TJP2: variants seen among roughly 807,000 people sequenced by gnomAD.
TJP2 encodes tight junction protein 2, also known as Friedreich ataxia region gene X104 (tight junction protein ZO-2).
Under a neutral mutation model 133.1 loss-of-function variants are expected in TJP2, and 91 were observed. The observed-to-expected ratio is 0.68, with a 90% CI of 0.58 to 0.81. The LOEUF is 0.81. Among genes scored for constraint, TJP2 ranks in the 40% least tolerant of loss-of-function variants. TJP2 has a pLI of 0.00. For synonymous variants in TJP2, 592 were observed against 583.4 expected, an observed-to-expected ratio of 1.01 and a Z score of -0.21; for missense variants, 1,541 against 1,565.6, an observed-to-expected ratio of 0.98 and a Z score of 0.26.
Position 69,225,398 on chromosome 9 carries a change from A to T in TJP2, c.1047A>T (p.Ile349=). The change falls in exon 6 of 23, where the codon ATA becomes ATT. Residue 349 remains isoleucine, a synonymous_variant. Transcript: ENST00000377245. ...ATGGCAACCTTCACGAAGGAGACAT[A>T]ATTCTCAAGGTGGGTAGATGGGGGC... ...TKDGNLHEGD[I]ILKINGTVTE... The T allele has an allele frequency of 6.2e-7, 1 of 1,612,464 alleles. No homozygotes were observed. The highest frequency in any genetic ancestry group is 1.1e-5 in the South Asian group (1 of 90,926).
chr9:69,168,662 G>T, intron 2 of TJP2, among the ~76,000 whole-genome samples: 1 of 151,942 alleles, frequency 6.6e-6, no homozygotes, highest in East Asian at 1.9e-4. Context: ...AGGTGTGGTG[G>T]TGGGCGCCTG....
chr9:69,235,878 G>A (rs1396342230), intron 12 of TJP2, 150 bp from the exon 13 acceptor site: 1 of 715,504 alleles, frequency 1.4e-6, no homozygotes, highest in African/African-American at 1.8e-5. Flanking sequence ...ATTTGTCCTT[G>A]TTCCTGTTGG....
chr9:69,177,823 T>G (rs1336033673), intron 1 of TJP2, among the ~76,000 whole-genome samples: 1 of 152,044 alleles, frequency 6.6e-6, no homozygotes, highest in African/African-American at 2.4e-5. Context: ...AGTTTTAATT[T>G]TGGATGGTAC....
chr9:69,154,660 C>T (rs12351391), intron 2 of TJP2, among the ~76,000 whole-genome samples: 3,329 of 150,470 alleles, frequency 0.022, 134 homozygotes, highest in African/African-American at 0.075. Context: ...CATGGTGGTT[C>T]GCACCTATAA....
rs1281075331 is a variant in TJP2 at position 69,251,355 on chromosome 9, G to C, written c.3312G>C (p.Gln1104His). ...LQRMQELQEA[Q>H]NARIEIAQKH... ...GAATGCAGGAGCTCCAGGAAGCACA[G>C]AATGCAAGGGTAATTGTTTTTAAAC... The change falls in exon 21 of 23, where the codon CAG becomes CAC. Residue 1104 changes from glutamine (Q) to histidine (H), a missense_variant. Transcript: ENST00000377245. The C allele has an allele frequency of 6.2e-7, 1 of 1,613,272 alleles. No individual in the cohort carries two copies. The highest frequency in any genetic ancestry group is 8.5e-7 in the Non-Finnish European group (1 of 1,179,930).
At chr9:69,202,047 A>G (rs1309591039) in intron 1 of TJP2, among the ~76,000 whole-genome samples, 2 of 152,170 alleles carry the variant, frequency 1.3e-5, no homozygotes, top group Admixed American at 1.3e-4. Context: ...TGAAGTGTGA[A>G]TATACTACTG....
chr9:69,157,619 C>T (rs1057365068), intron 2 of TJP2, among the ~76,000 whole-genome samples: 1 of 152,060 alleles, frequency 6.6e-6, no homozygotes, highest in African/African-American at 2.4e-5. Context: ...GCACACGCCA[C>T]CATGCCTAGC....
intron 1 of TJP2, chr9:69,205,436 A>G (rs147938758): frequency 2.2e-5 from 24 of 1,096,874 alleles, no homozygotes; most frequent in South Asian, 1.1e-4. Context: ...TAGCAGATCT[A>G]TGTGAAACTG....
intron 1 of TJP2, among the ~76,000 whole-genome samples, chr9:69,190,468 T>C (rs1826133147): frequency 6.6e-6 from 1 of 152,228 alleles, no homozygotes; most frequent in Non-Finnish European, 1.5e-5. Flanking sequence ...TAGTTGACTT[T>C]GAGCTGACCT....
chr9:69,151,693 T>C (rs1564383440), exon 2 of TJP2: 1 of 1,232,100 alleles, frequency 8.1e-7, no homozygotes, highest in Non-Finnish European at 1.0e-6. Context: ...GTGAGTGGGA[T>C]TGGCACCCCG....
chr9:69,251,994 T>C (rs1175349389), intron 21 of TJP2, among the ~76,000 whole-genome samples: 1 of 149,002 alleles, frequency 6.7e-6, no homozygotes, highest in Non-Finnish European at 1.5e-5. Context: ...ATTTATTTTG[T>C]TTTGTTTTGT....
chr9:69,221,355 C>G lies in TJP2; in HGVS notation c.811C>G (p.Arg271Gly), dbSNP rs1421712512. The change falls in exon 5 of 23, where the codon CGC (arginine) becomes GGC (glycine). Residue 271 changes from arginine (R) to glycine (G), a missense_variant. Physicochemically the swap from Arg to Gly is moderately radical, Grantham distance 125. Coordinates refer to ENST00000377245, the MANE Select transcript of TJP2 (RefSeq NM_004817.4). ...YERAYSPEYR[R>G]GARHDARSRG... ...GCGGGCCTACAGCCCGGAGTACAGGCGCGGGGCCCGCCACGATGCCCGCTC... is the reference window on the plus strand; with the variant it reads ...GCGGGCCTACAGCCCGGAGTACAGGGGCGGGGCCCGCCACGATGCCCGCTC... The G allele has an allele frequency of 1.3e-6, 2 of 1,581,434 alleles. No homozygotes were observed. Among genetic ancestry groups the G allele is most frequent in the African/African-American group, 2.7e-5 (2 of 74,270 alleles).
In TJP2 at chr9:69,240,147, G is replaced by A. The variant is rs1375944578; in HGVS notation, c.2566G>A (p.Ala856Thr). ...LKKTCAHLFTATINLNSANDS... is the reference protein window; with the variant it reads ...LKKTCAHLFTTTINLNSANDS... ...AAAAACGTGTGCACACCTTTTTACA[G>A]GTAAGTGAAATGTAAATGTAGTCCC... The change falls in exon 17 of 23, where the codon GCT becomes ACT. Residue 856 changes from alanine to threonine, a missense_variant and splice_region_variant. Physicochemically the swap from Ala to Thr is moderately conservative, Grantham distance 58. Coordinates refer to ENST00000377245, the MANE Select transcript of TJP2 (RefSeq NM_004817.4). 1.9e-6 allele frequency: 3 copies of A among 1,612,680 alleles called. No individual in the cohort carries two copies. The highest frequency in any genetic ancestry group is 1.7e-5 in the Admixed American group (1 of 59,946).
intron 1 of TJP2, among the ~76,000 whole-genome samples, chr9:69,180,394 T>C (rs1825411329): frequency 6.6e-6 from 1 of 152,242 alleles, no homozygotes. Context: ...GAATTAACTC[T>C]TCCAGGACAT....
chr9:69,229,051 T>G, intron 9 of TJP2, 133 bp from the exon 10 acceptor site: 2 of 837,282 alleles, frequency 2.4e-6, no homozygotes, highest in Non-Finnish European at 4.1e-6. Flanking sequence ...AACGGCACTT[T>G]AGAGACTTCT....
chr9:69,134,791 G>A (rs567459914), intron 1 of TJP2, among the ~76,000 whole-genome samples: 15 of 152,276 alleles, frequency 9.9e-5, no homozygotes, highest in Admixed American at 3.3e-4. Flanking sequence ...GTTTCTCAGC[G>A]CTCTGGAGAC....
chr9:69,146,948 T>G (rs1328080304), intron 1 of TJP2, among the ~76,000 whole-genome samples: 1 of 152,234 alleles, frequency 6.6e-6, no homozygotes, highest in African/African-American at 2.4e-5. Context: ...AATAAATATT[T>G]CTTTGGGAAA....
chr9:69,145,258 T>C (rs1014836308), intron 1 of TJP2, among the ~76,000 whole-genome samples: 21 of 152,184 alleles, frequency 1.4e-4, no homozygotes, highest in African/African-American at 4.8e-4. Flanking sequence ...GAGAGATATT[T>C]GTAGAAAGAG....
chr9:69,249,454 C>T lies in TJP2; in HGVS notation c.2960C>T (p.Pro987Leu), dbSNP rs754621328. 18 of 1,609,644 alleles carry T rather than the reference C, an allele frequency of 1.1e-5. No individual in the cohort carries two copies. Among genetic ancestry groups the T allele is most frequent in the Non-Finnish European group, 1.4e-5 (16 of 1,177,770 alleles). The change falls in exon 20 of 23, where the codon CCG (proline) becomes CTG (leucine). Residue 987 changes from proline to leucine, a missense_variant. Coordinates refer to ENST00000377245, the MANE Select transcript of TJP2 (RefSeq NM_004817.4). ...AGCGATCAACTTAGGGACAATAGCC[C>T]GCCCCCAGCATTCAAGCCAGAGCCG... ...ASSDQLRDNS[P>L]PPAFKPEPPK...
Sources: allele counts gnomAD v4.1 joint callset (sites outside exome capture counted in the v4.1 genomes callset), GRCh38; gene constraint gnomAD v4.1.1; transcripts MANE v1.5; gene names NCBI Gene and HGNC (gene_info 2026-07-23, HGNC 2026-07-21).